SF3B3: variants seen among roughly 807,000 people sequenced by gnomAD.
SF3B3 encodes splicing factor 3b subunit 3, also known as SAP 130.
SF3B3 carries 33 observed loss-of-function variants against 139.2 expected under a neutral mutation model. The observed-to-expected ratio is 0.24, with a 90% CI of 0.18 to 0.32. SF3B3 has a LOEUF of 0.32. Among genes scored for constraint, SF3B3 ranks in the 10% least tolerant of loss-of-function variants. The probability of loss-of-function intolerance (pLI) is 1.00; values close to 1 mark genes in which losing one functional copy is unlikely to be tolerated. For synonymous variants in SF3B3, 596 were observed against 563.6 expected, an observed-to-expected ratio of 1.06 and a Z score of -0.81; for missense variants, 818 against 1,509.4, an observed-to-expected ratio of 0.54 and a Z score of 7.59.
chr16:70,538,321 A>G lies in SF3B3; in HGVS notation c.826-2A>G. The G allele has an allele frequency of 6.2e-7, 1 of 1,613,384 alleles. No homozygotes were observed. Among genetic ancestry groups the G allele is most frequent in the Non-Finnish European group, 8.5e-7 (1 of 1,179,576 alleles). On this transcript the variant is annotated splice_acceptor_variant, in intron 6 of 25. Coordinates refer to ENST00000302516, the MANE Select transcript of SF3B3 (RefSeq NM_012426.5). LOFTEE classifies it high-confidence loss of function. ...CATTGATTGTGTTTTTGACTTTGCT[A>G]GAATGACCTGGATGACCCTGAAAGA...
chr16:70,549,653 C>T (rs562777471), intron 11 of SF3B3, among the ~76,000 whole-genome samples: 1 of 152,188 alleles, frequency 6.6e-6, no homozygotes, highest in African/African-American at 2.4e-5. Flanking sequence ...GGGCCAGGTG[C>T]GGTGGCTCAT....
At chr16:70,563,660 A>T in intron 17 of SF3B3, 1 of 513,560 alleles carries the variant, frequency 1.9e-6, no homozygotes, top group Non-Finnish European at 3.5e-6. Context: ...ACTGCTGTGA[A>T]TTGTGGTAGG....
intron 10 of SF3B3, among the ~76,000 whole-genome samples, chr16:70,547,190 TTGA>T (rs1297928546): frequency 5.3e-5 from 8 of 152,184 alleles, no homozygotes; most frequent in Non-Finnish European, 1.0e-4. Context: ...TTGAATTTTA[TTGA>T]TGATGAAGTT....
chr16:70,542,278 G>A (rs1341228813), intron 9 of SF3B3, among the ~76,000 whole-genome samples: 2 of 152,254 alleles, frequency 1.3e-5, no homozygotes, highest in Non-Finnish European at 2.9e-5. Flanking sequence ...AGTATTCTGT[G>A]GTTGACCTCT....
At chr16:70,528,162 CTTTTTTTTT>C (rs760087242) in intron 2 of SF3B3, among the ~76,000 whole-genome samples, 8 of 122,340 alleles carry the variant, frequency 6.5e-5, no homozygotes, top group South Asian at 3.0e-4. Context: ...GAGAAGTTTT[CTTTTTTTTT>C]TTTTTTTTTT....
In SF3B3 at chr16:70,556,725, G is replaced by T; in HGVS notation, c.1867-161G>T. 5 of 681,490 alleles carry T rather than the reference G, an allele frequency of 7.3e-6. No individual in the cohort carries two copies. The South Asian group carries it at 9.5e-5, about 13-fold the overall frequency. The allele number at this position is 681,490 out of a possible 1,614,324, so 42.2% of individuals were successfully genotyped here. A position where few individuals can be genotyped will look rare whatever the true frequency, so the allele number is the denominator to read the frequency against. ...TCTTCCCGAAGCTTATTCTGAAATTGGGTGTAACTAATAACTCAGTACTCT... is the reference window on the plus strand; with the variant it reads ...TCTTCCCGAAGCTTATTCTGAAATTTGGTGTAACTAATAACTCAGTACTCT... On this transcript the variant is annotated intron_variant, in intron 14 of 25. Transcript: ENST00000302516.
intron 8 of SF3B3, 111 bp from the exon 9 acceptor site, chr16:70,541,558 A>G (rs1275047743): frequency 9.5e-6 from 8 of 844,696 alleles, no homozygotes; most frequent in Non-Finnish European, 1.1e-5. Context: ...TAAAAATAAT[A>G]ACAATAGTAT....
intron 8 of SF3B3, among the ~76,000 whole-genome samples, chr16:70,539,776 A>C (rs62049043): frequency 1.2e-4 from 15 of 128,540 alleles, no homozygotes; most frequent in Non-Finnish European, 2.2e-4. Flanking sequence ...TTCATCAAAT[A>C]AATTTTTTTT....
Position 70,575,595 on chromosome 16 carries a change from C to G in SF3B3, c.*3782C>G, listed in dbSNP as rs2050572916. On this transcript the variant is annotated 3_prime_UTR_variant, in exon 26 of 26. Transcript: ENST00000302516. ...ACGTTTACTGGGCACCTACCATGAA[C>G]CACCACCTCCCAGCTCTGTTCTGCA... 6.6e-6 allele frequency: 1 copy of G among 152,302 alleles called. No individual in the cohort carries two copies. Among genetic ancestry groups the G allele is most frequent in the Non-Finnish European group, 1.5e-5 (1 of 68,124 alleles). The allele number at this position is 152,302 out of a possible 1,614,324, so 9.4% of individuals were successfully genotyped here.
rs1354099929 is a variant in SF3B3, at chr16:70,561,667, C to G, written c.2171C>G (p.Ser724Cys). The G allele has an allele frequency of 6.2e-7, 1 of 1,613,520 alleles. No homozygotes were observed. The highest frequency in any genetic ancestry group is 1.3e-5 in the African/African-American group (1 of 74,778). The change falls in exon 17 of 26, where the codon TCT becomes TGT. Residue 724 changes from serine to cysteine, a missense_variant. Around this residue, in one of 14 missense-constraint regions of SF3B3, gnomAD observed 170 missense variants for 353.0 expected, o/e 0.48. Transcript: ENST00000302516. ...TCAAGCCGCTCATGGTTGAGCTATT[C>G]TTACCAATCTCGCTTCCATCTCACC... ...AMSSRSWLSY[S>C]YQSRFHLTPL...
chr16:70,564,000 A>G lies in SF3B3; in HGVS notation c.2413A>G (p.Asn805Asp). Residue 805 changes from asparagine to aspartate, a missense_variant, in exon 18 of 26, where the codon AAT becomes GAT. Physicochemically the swap from Asn to Asp is conservative, Grantham distance 23 (BLOSUM62 1). Around this residue, in one of 14 missense-constraint regions of SF3B3, gnomAD observed 34 missense variants for 30.5 expected, o/e 1.12. Transcript: ENST00000302516. The stretch of plus-strand genomic sequence containing the variant: ...CCTTATTATCATTGAAACGGACCAC[A>G]ATGCCTACACTGAGGCCACGAAAGC... ...NNLIIIETDH[N>D]AYTEATKAQR... The G allele has an allele frequency of 3.7e-6, 6 of 1,614,120 alleles. No homozygotes were observed. Among genetic ancestry groups the G allele is most frequent in the Non-Finnish European group, 5.1e-6 (6 of 1,180,008 alleles).
intron 11 of SF3B3, among the ~76,000 whole-genome samples, chr16:70,549,926 A>G (rs550882507): frequency 1.3e-5 from 2 of 152,332 alleles, no homozygotes; most frequent in Non-Finnish European, 2.9e-5. Flanking sequence ...CTCCATGTCA[A>G]AAAAAGAAAA....
At chr16:70,568,541 C>T (rs771662126) in intron 22 of SF3B3, 46 bp downstream of exon 22, 1 of 1,495,310 alleles carries the variant, frequency 6.7e-7, no homozygotes, top group Non-Finnish European at 9.3e-7. Flanking sequence ...TGTAGGAAAG[C>T]TGGCTCAGTT....
rs865947627 is a variant in SF3B3, at chr16:70,535,499, A to G, written c.825+79A>G. On this transcript the variant is annotated intron_variant, in intron 6 of 25. Coordinates refer to ENST00000302516, the MANE Select transcript of SF3B3 (RefSeq NM_012426.5). ...AGTGTAGTCTCTTAGTTTGTTACCA[A>G]TTTAGTTTTTTTGTAAATTAAAAAA... is the stretch of plus-strand genomic sequence containing the variant. 6.0e-5 allele frequency: 44 copies of G among 737,582 alleles called. 1 individual carries two copies. Among genetic ancestry groups the G allele is most frequent in the Middle Eastern group, 3.8e-4 (1 of 2,624 alleles). The allele number at this position is 737,582 out of a possible 1,614,324, so 45.7% of individuals were successfully genotyped here. A position where few individuals can be genotyped will look rare whatever the true frequency, so the allele number is the denominator to read the frequency against.
At chr16:70,570,190 T>G (rs2050515040) in intron 24 of SF3B3, 41 bp downstream of exon 24, 1 of 1,606,534 alleles carries the variant, frequency 6.2e-7, no homozygotes. Context: ...CTTTTAAGGT[T>G]GTTTCTTGGT....
At chr16:70,570,924 G>T (rs915451007) in intron 24 of SF3B3, among the ~76,000 whole-genome samples, 171 bp from the exon 25 acceptor site, 1 of 152,178 alleles carries the variant, frequency 6.6e-6, no homozygotes, top group Non-Finnish European at 1.5e-5. Flanking sequence ...TCCTTTTGGG[G>T]TTTAACTATC....
In SF3B3 at chr16:70,570,012, G is replaced by T. The variant is rs775226928; in HGVS notation, c.3271G>T (p.Val1091Leu). 5 of 1,613,956 alleles carry T rather than the reference G, an allele frequency of 3.1e-6. No individual in the cohort carries two copies. The South Asian group carries it at 5.5e-5, about 18-fold the overall frequency. The change falls in exon 24 of 26, where the codon GTG (valine) becomes TTG (leucine). Residue 1091 changes from valine to leucine, a missense_variant. By Grantham distance (32) the Val-to-Leu change is conservative (BLOSUM62 1). This residue lies in a region of SF3B3 where 91 missense variants were observed against 171.8 expected (regional missense o/e 0.53). Transcript: ENST00000302516. ...LLNGASQKAEVIMNYHVGETV... is the reference protein window; with the variant it reads ...LLNGASQKAELIMNYHVGETV... ...GTCTGTTTGTGACTCACAGGCAGAG[G>T]TGATCATGAACTACCATGTCGGGGA...
intron 5 of SF3B3, among the ~76,000 whole-genome samples, chr16:70,533,886 G>T (rs1044533450): frequency 6.6e-6 from 1 of 152,102 alleles, no homozygotes. Context: ...CATTTACAAG[G>T]GCTTTTTCAT....
intron 11 of SF3B3, 172 bp downstream of exon 11, chr16:70,548,614 A>G (rs2050291196): frequency 1.6e-5 from 9 of 575,210 alleles, no homozygotes; most frequent in East Asian, 5.6e-5. Context: ...GCCTTCACCT[A>G]CCATTTCTTT....
Sources: gnomAD v4.1 joint callset for allele counts (sites outside exome capture counted in the v4.1 genomes callset) on GRCh38, gnomAD v4.1.1 for gene constraint, gnomAD v4.1.1 regional missense constraint, MANE v1.5 for transcripts, NCBI Gene and HGNC (gene_info 2026-07-23, HGNC 2026-07-21) for gene names.